SPANXN4: variants seen among roughly 807,000 people sequenced by gnomAD.
SPANXN4 encodes SPANX family member N4.
In SPANXN4, 5 loss-of-function variants were observed where a neutral mutation model predicts 6.0. The ratio of observed to expected loss-of-function variants is 0.83; its 90% CI spans 0.44 to 1.75. SPANXN4 has a LOEUF of 1.75. Among genes scored for constraint, SPANXN4 ranks in the 40% most tolerant of loss-of-function variants. The pLI, the probability that SPANXN4 is intolerant of heterozygous loss-of-function variation, is 0.02. For missense variants in SPANXN4, 157 were observed against 108.6 expected (o/e 1.45, Z -1.98); for synonymous variants, 45 against 38.0 (o/e 1.19, Z -0.68).
downstream of SPANXN4, among the ~76,000 whole-genome samples, chrX:143,036,677 G>A (rs190545547): frequency 5.4e-5 from 6 of 111,884 alleles, no homozygotes; most frequent in East Asian, 1.7e-3. Flanking sequence ...TGGCTTTGTG[G>A]TAAGTTTTGA....
chrX:143,037,340 T>C (rs1932848777), downstream of SPANXN4, among the ~76,000 whole-genome samples: 1 of 111,956 alleles, frequency 8.9e-6, no homozygotes, highest in South Asian at 3.7e-4. Flanking sequence ...ATATGCTTTC[T>C]CTATCTGCAT....
chrX:143,031,599 G>C (rs769782328), intron 1 of SPANXN4, among the ~76,000 whole-genome samples: 10 of 112,095 alleles, frequency 8.9e-5, no homozygotes, highest in Admixed American at 7.5e-4. Context: ...CTTATAACAG[G>C]CTCCTGGCAG....
intron 1 of SPANXN4, 88 bp downstream of exon 1, chrX:143,026,180 G>A (rs964791435): frequency 1.7e-5 from 13 of 749,745 alleles, no homozygotes; most frequent in Non-Finnish European, 2.5e-5. Context: ...CGGGTATACT[G>A]CAGACACCTG....
intron 1 of SPANXN4, among the ~76,000 whole-genome samples, chrX:143,026,590 T>C (rs997900311): frequency 4.5e-5 from 5 of 111,133 alleles, no homozygotes; most frequent in African/African-American, 1.6e-4. Flanking sequence ...AAGAGGGACG[T>C]GGTTGATTAT....
chrX:143,033,033 A>G (rs182588921), intron 1 of SPANXN4, among the ~76,000 whole-genome samples: 276 of 111,853 alleles, frequency 2.5e-3, no homozygotes, highest in Non-Finnish European at 2.4e-3. Context: ...CCTCCAACTC[A>G]GTGCTAGGAT....
At chrX:143,035,806 A>T (rs1353892883), downstream of SPANXN4, among the ~76,000 whole-genome samples, 2 of 109,355 alleles carry the variant, frequency 1.8e-5, no homozygotes, top group Admixed American at 1.0e-4. Flanking sequence ...GCTAAAATCT[A>T]CTTATTTAAA....
At chrX:143,037,696 G>A (rs1281538946), downstream of SPANXN4, among the ~76,000 whole-genome samples, 1 of 111,621 alleles carries the variant, frequency 9.0e-6, no homozygotes, top group African/African-American at 3.3e-5. Flanking sequence ...CATGTGTCAA[G>A]AAAGAGACCA....
intron 1 of SPANXN4, among the ~76,000 whole-genome samples, chrX:143,028,797 A>G (rs904835197): frequency 2.7e-5 from 3 of 110,554 alleles, no homozygotes; most frequent in African/African-American, 9.9e-5. Context: ...GGGAAAGGAG[A>G]TGGTTTGATA....
downstream of SPANXN4, among the ~76,000 whole-genome samples, chrX:143,037,940 AT>A (rs1194144420): frequency 9.0e-6 from 1 of 111,179 alleles, no homozygotes. Context: ...TAAACCTCTT[AT>A]TTTTTTAATA....
At chrX:143,029,749 G>C (rs1391438613) in intron 1 of SPANXN4, among the ~76,000 whole-genome samples, 1 of 110,967 alleles carries the variant, frequency 9.0e-6, no homozygotes, top group Admixed American at 9.6e-5. Context: ...GGGATGGAAG[G>C]GATTCACAGT....
chrX:143,032,432 A>C (rs759520623), intron 1 of SPANXN4, among the ~76,000 whole-genome samples: 1 of 110,211 alleles, frequency 9.1e-6, no homozygotes, highest in Admixed American at 9.7e-5. Flanking sequence ...TGGAGGAGCC[A>C]GAGCCAAAGG....
exon 3 of SPANXN4, chrX:143,034,535 C>T (rs1932833372): frequency 8.7e-7 from 1 of 1,152,673 alleles, no homozygotes; most frequent in Non-Finnish European, 1.2e-6. Flanking sequence ...TTTGGTGTTC[C>T]TTGGAGCACG....
exon 2 of SPANXN4, chrX:143,034,156 C>A: frequency 8.5e-7 from 1 of 1,181,028 alleles, no homozygotes; most frequent in East Asian, 3.1e-5. Flanking sequence ...TGGAGAATAA[C>A]CAGCCTACAG....
At chrX:143,027,273 G>C (rs1228008687) in intron 1 of SPANXN4, among the ~76,000 whole-genome samples, 1 of 112,076 alleles carries the variant, frequency 8.9e-6, no homozygotes, top group Non-Finnish European at 1.9e-5. Context: ...GGAGTTGAAG[G>C]CTGTTTGGTT....
At chrX:143,033,592 T>C (rs1348966222) in intron 1 of SPANXN4, among the ~76,000 whole-genome samples, 1 of 111,471 alleles carries the variant, frequency 9.0e-6, no homozygotes, top group South Asian at 3.8e-4. Flanking sequence ...TGGCAGGATA[T>C]TGATAAGATA....
intron 1 of SPANXN4, 141 bp downstream of exon 1, chrX:143,026,233 T>C: frequency 2.0e-6 from 1 of 497,741 alleles, no homozygotes. Context: ...CACCGCTACA[T>C]ACAGGCCAGC....
chrX:143,026,231 C>A, intron 1 of SPANXN4, 139 bp downstream of exon 1: 1 of 503,776 alleles, frequency 2.0e-6, no homozygotes, highest in Non-Finnish European at 3.3e-6. Context: ...CCCACCGCTA[C>A]ATACAGGCCA....
chrX:143,029,331 A>T (rs1932795709), intron 1 of SPANXN4, among the ~76,000 whole-genome samples: 1 of 111,331 alleles, frequency 9.0e-6, no homozygotes, highest in East Asian at 2.8e-4. Context: ...AGGATGTACC[A>T]CGCATATTTG....
chrX:143,036,182 A>G (rs1300921162), downstream of SPANXN4, among the ~76,000 whole-genome samples: 2 of 109,573 alleles, frequency 1.8e-5, no homozygotes, highest in African/African-American at 6.7e-5. Flanking sequence ...CTCTTTTCTA[A>G]CATTGTCTTC....
Sources: allele counts gnomAD v4.1 joint callset (sites outside exome capture counted in the v4.1 genomes callset), GRCh38; gene constraint gnomAD v4.1.1; transcripts MANE v1.5; gene names NCBI Gene and HGNC (gene_info 2026-07-23, HGNC 2026-07-21).